Variants in KYAT1 observed in about 807,000 individuals in gnomAD.
KYAT1 encodes the protein kynurenine aminotransferase 1, also known as kynurenine--oxoglutarate transaminase 1.
Under a neutral mutation model 52.4 loss-of-function variants are expected in KYAT1, and 47 were observed. The observed-to-expected ratio is 0.90, with a 90% CI of 0.71 to 1.14. The LOEUF (loss-of-function observed/expected upper bound fraction) is 1.14, where lower values mean the gene tolerates loss of function less well. Ranked by LOEUF, KYAT1 falls within the 50% of genes most tolerant of loss-of-function variation. The probability of loss-of-function intolerance (pLI) is 0.00; values close to 1 mark genes in which losing one functional copy is unlikely to be tolerated. For missense variants in KYAT1, 480 were observed against 557.9 expected (o/e 0.86, Z 1.41); for synonymous variants, 212 against 209.6 (o/e 1.01, Z -0.10).
At chr9:128,879,597 C>A (rs1406564867) in intron 1 of KYAT1, among the ~76,000 whole-genome samples, 1 of 152,198 alleles carries the variant, frequency 6.6e-6, no homozygotes, top group Non-Finnish European at 1.5e-5. Context: ...TTCTCCAATC[C>A]TGTTGGTCAC....
chr9:128,881,308 C>T (rs574432162), intron 1 of KYAT1, among the ~76,000 whole-genome samples: 3 of 151,494 alleles, frequency 2.0e-5, no homozygotes, highest in South Asian at 2.1e-4. Context: ...GTCTCGATCT[C>T]CTGACCTCGT....
rs771449971 is a variant in KYAT1, at chr9:128,837,762, G to A, written c.490C>T (p.Pro164Ser). ...LGSSSNWQLD[P>S]MELAGKFTSR... is the part of the protein sequence containing the mutation. ...GTGAATTTGCCGGCCAGCTCCATGG[G>A]GTCCAGCTGCCAGTTGCTGCTGGAA... The change falls in exon 6 of 13, where the codon CCC becomes TCC. Residue 164 changes from proline to serine, a missense_variant. Transcript: ENST00000302586. 5 of 1,613,992 alleles carry A rather than the reference G, an allele frequency of 3.1e-6. No individual in the cohort carries two copies. The Admixed American group carries it at 6.7e-5, about 22-fold the overall frequency.
intron 1 of KYAT1, among the ~76,000 whole-genome samples, chr9:128,853,670 T>C (rs1834231731): frequency 6.6e-6 from 1 of 152,230 alleles, no homozygotes; most frequent in Admixed American, 6.5e-5. Flanking sequence ...CTAAGGCAAA[T>C]GAACAAGCTG....
intron 1 of KYAT1, chr9:128,846,564 C>G (rs1448498132): frequency 1.4e-6 from 1 of 721,636 alleles, no homozygotes; most frequent in Admixed American, 3.1e-5. Context: ...GTGCCAGCCA[C>G]TGCACTCCTG....
intron 6 of KYAT1, among the ~76,000 whole-genome samples, chr9:128,837,230 G>A (rs1026477783): frequency 6.6e-6 from 1 of 152,146 alleles, no homozygotes; most frequent in African/African-American, 2.4e-5. Flanking sequence ...GGAGGCAGAG[G>A]TTGCAATGAG....
At chr9:128,874,212 C>T (rs1323771948) in intron 1 of KYAT1, among the ~76,000 whole-genome samples, 4 of 151,086 alleles carry the variant, frequency 2.6e-5, no homozygotes, top group South Asian at 2.1e-4. Context: ...GCCGAGATCA[C>T]GCCACTGCGC....
At chr9:128,877,454 A>G (rs1838211822) in intron 1 of KYAT1, among the ~76,000 whole-genome samples, 1 of 152,168 alleles carries the variant, frequency 6.6e-6, no homozygotes, top group African/African-American at 2.4e-5. Flanking sequence ...ATTTTGCTCA[A>G]AAGGAGAACA....
At position 128,842,759 on chromosome 9, in the gene KYAT1, G is replaced by C; in HGVS notation, c.96C>G (p.Asn32Lys). The change falls in exon 3 of 13, where the codon AAC becomes AAG. Residue 32 changes from asparagine (N) to lysine (K), a missense_variant. By Grantham distance (94) the Asn-to-Lys change is moderately conservative (BLOSUM62 0). Coordinates refer to ENST00000302586, the MANE Select transcript of KYAT1 (RefSeq NM_004059.5). ...GGAAATCCGGGAAGCCCTGGCCCAA[G>C]TTCACGACGTCATGCTCACTGGCCA... ...VKLASEHDVV[N>K]LGQGFPDFPP... 1 of 1,614,156 alleles carries C rather than the reference G, an allele frequency of 6.2e-7. No homozygotes were observed. Among genetic ancestry groups the C allele is most frequent in the Non-Finnish European group, 8.5e-7 (1 of 1,180,012 alleles).
chr9:128,863,767 C>T (rs372921402), intron 1 of KYAT1, among the ~76,000 whole-genome samples: 3 of 152,142 alleles, frequency 2.0e-5, no homozygotes, highest in Admixed American at 1.3e-4. Context: ...AGGAGCCAGG[C>T]CCCTCGTGGC....
At chr9:128,874,084 C>A (rs113365864) in intron 1 of KYAT1, among the ~76,000 whole-genome samples, 24 of 150,996 alleles carry the variant, frequency 1.6e-4, no homozygotes, top group African/African-American at 5.8e-4. Context: ...GGTGAAACCC[C>A]GTCTCTATTA....
At position 128,833,675 on chromosome 9, in the gene KYAT1, C is replaced by A. The variant is rs373195099; in HGVS notation, c.1210-32G>T. ...CAGCACAGATTAGTCCTACACTCTC[C>A]CCATGTGCCCAGCCGGCCTTGGGAA... On this transcript the variant is annotated intron_variant, in intron 12 of 12. Transcript: ENST00000302586. 33 of 1,613,936 alleles carry A rather than the reference C, an allele frequency of 2.0e-5. No individual in the cohort carries two copies. In the African/African-American group the frequency reaches 4.0e-4, roughly 20 times the overall value.
intron 1 of KYAT1, chr9:128,847,502 A>G (rs1022837559): frequency 2.6e-6 from 4 of 1,535,878 alleles, no homozygotes; most frequent in African/African-American, 1.4e-5. Context: ...CCAGGTGCAC[A>G]GAGATGGCTG....
intron 2 of KYAT1, among the ~76,000 whole-genome samples, chr9:128,843,640 T>C (rs2978000): frequency 0.98 from 149,696 of 152,232 alleles, 73,642 homozygotes; most frequent in Middle Eastern, 1. Flanking sequence ...CCTTGGCCTC[T>C]CAAAGTGCTA....
At chr9:128,847,397 A>G (rs1833271995) in intron 1 of KYAT1, 1 of 1,395,164 alleles carries the variant, frequency 7.2e-7, no homozygotes. Flanking sequence ...GCCCCAGGCC[A>G]TGCAGGTGGC....
At chr9:128,858,419 C>T (rs56893957) in intron 1 of KYAT1, among the ~76,000 whole-genome samples, 863 of 8,656 alleles carry the variant, frequency 0.1, 9 homozygotes, top group South Asian at 0.22. Context: ...AAAAAAAGCC[C>T]GGGCATGGTG....
chr9:128,863,536 T>A (rs1835748907), intron 1 of KYAT1, among the ~76,000 whole-genome samples: 1 of 148,192 alleles, frequency 6.7e-6, no homozygotes, highest in African/African-American at 2.5e-5. Flanking sequence ...TGTGCACACA[T>A]CTCTGTGTCT....
chr9:128,876,236 C>A (rs530951017), intron 1 of KYAT1, among the ~76,000 whole-genome samples: 3 of 150,918 alleles, frequency 2.0e-5, no homozygotes, highest in African/African-American at 7.4e-5. Flanking sequence ...CAACCCCCAG[C>A]TCAAATTCTT....
chr9:128,866,383 T>C (rs1312312757), intron 1 of KYAT1, among the ~76,000 whole-genome samples: 4 of 152,146 alleles, frequency 2.6e-5, no homozygotes, highest in Admixed American at 2.6e-4. Context: ...GCGGATCACC[T>C]GAGGTCAGGA....
intron 2 of KYAT1, among the ~76,000 whole-genome samples, chr9:128,844,121 G>A (rs189157341): frequency 7.2e-5 from 11 of 152,316 alleles, no homozygotes; most frequent in African/African-American, 1.4e-4. Flanking sequence ...CTGCCTGGGG[G>A]CCACCTCTCC....
Sources: allele counts gnomAD v4.1 joint callset (sites outside exome capture counted in the v4.1 genomes callset), GRCh38; gene constraint gnomAD v4.1.1; transcripts MANE v1.5; gene names NCBI Gene and HGNC (gene_info 2026-07-23, HGNC 2026-07-21).